Variants in UBE2E2 observed in about 807,000 individuals in gnomAD.
UBE2E2 encodes the protein ubiquitin-conjugating enzyme E2 E2.
Under a neutral mutation model 24.7 loss-of-function variants are expected in UBE2E2, and 6 were observed. That is an observed-to-expected ratio of 0.24 (90% CI 0.13 to 0.48). UBE2E2 has a LOEUF of 0.48. Ranked by LOEUF, UBE2E2 falls within the 20% of genes least tolerant of loss-of-function variation. The probability of loss-of-function intolerance (pLI) is 0.99; values close to 1 mark genes in which losing one functional copy is unlikely to be tolerated. For missense variants in UBE2E2, 169 were observed against 245.0 expected, an observed-to-expected ratio of 0.69 and a Z score of 2.07; for synonymous variants, 104 against 83.6, an observed-to-expected ratio of 1.24 and a Z score of -1.33.
chr3:23,370,437 A>G (rs1301596859), intron 3 of UBE2E2, among the ~76,000 whole-genome samples: 1 of 152,258 alleles, frequency 6.6e-6, no homozygotes, highest in Non-Finnish European at 1.5e-5. Context: ...TGTCTAGTTT[A>G]GAACAAAGTA....
intron 3 of UBE2E2, among the ~76,000 whole-genome samples, chr3:23,402,681 A>G (rs1275439437): frequency 6.6e-6 from 1 of 152,318 alleles, no homozygotes; most frequent in East Asian, 1.9e-4. Flanking sequence ...TGATGTCATC[A>G]GGGTTACAAT....
chr3:23,382,891 G>A (rs2125352863), intron 3 of UBE2E2, among the ~76,000 whole-genome samples: 1 of 152,000 alleles, frequency 6.6e-6, no homozygotes, highest in South Asian at 2.1e-4. Flanking sequence ...TTGTGAAAAG[G>A]TTAGTTTTTT....
At chr3:23,555,952 T>A (rs949069518) in intron 5 of UBE2E2, among the ~76,000 whole-genome samples, 2 of 152,094 alleles carry the variant, frequency 1.3e-5, no homozygotes, top group African/African-American at 4.8e-5. Context: ...ACATAAGGAC[T>A]ATAGTTAATA....
chr3:23,258,908 A>AC lies in UBE2E2; in HGVS notation c.227+41596_227+41597insC, dbSNP rs1288918651. Among the ~76,000 whole-genome samples the AC allele has an allele frequency of 1.7e-4, 26 of 150,762 alleles. No homozygotes were observed. The East Asian group carries it at 4.3e-3, about 25-fold the overall frequency. Reference sequence around the variant, plus strand: ...ACTCTGTCTCAAAAAAAGAAAAAAAAAAAAAAAAAAAAAAAAGATTCTAAC... The same window carrying AC: ...ACTCTGTCTCAAAAAAAGAAAAAAAACAAAAAAAAAAAAAAAAGATTCTAAC... On this transcript the variant is annotated intron_variant, in intron 3 of 5. Coordinates refer to ENST00000396703, the MANE Select transcript of UBE2E2 (RefSeq NM_152653.4).
intron 3 of UBE2E2, among the ~76,000 whole-genome samples, chr3:23,482,160 G>A (rs932380269): frequency 6.6e-6 from 1 of 152,142 alleles, no homozygotes; most frequent in African/African-American, 2.4e-5. Context: ...ACTCTTTTGA[G>A]CAACAAGATG....
intron 5 of UBE2E2, among the ~76,000 whole-genome samples, chr3:23,556,454 T>TAAAAAAA (rs5847239): frequency 1.8e-4 from 17 of 94,338 alleles, no homozygotes; most frequent in African/African-American, 6.3e-4. Flanking sequence ...AAAATTTATT[T>TAAAAAAA]AAAAAAAAAA....
intron 3 of UBE2E2, among the ~76,000 whole-genome samples, chr3:23,396,460 A>G (rs1697081060): frequency 6.6e-6 from 1 of 151,720 alleles, no homozygotes; most frequent in South Asian, 2.1e-4. Flanking sequence ...ATACACATAC[A>G]TACATATACA....
chr3:23,473,765 A>G (rs1241511007), intron 3 of UBE2E2, among the ~76,000 whole-genome samples: 1 of 152,130 alleles, frequency 6.6e-6, no homozygotes, highest in South Asian at 2.1e-4. Context: ...GTAGTATTCT[A>G]TCATATATGT....
At chr3:23,284,105 A>G (rs916578366) in intron 3 of UBE2E2, among the ~76,000 whole-genome samples, 2 of 152,120 alleles carry the variant, frequency 1.3e-5, no homozygotes, top group Non-Finnish European at 1.5e-5. Flanking sequence ...CTTCAATTCC[A>G]ATCTCCTTTA....
At chr3:23,255,032 G>GAAC (rs1697677822) in intron 3 of UBE2E2, among the ~76,000 whole-genome samples, 1 of 148,338 alleles carries the variant, frequency 6.7e-6, no homozygotes, top group African/African-American at 2.5e-5. Flanking sequence ...GCCATCTTAA[G>GAAC]AACAGTTCGT....
intron 3 of UBE2E2, among the ~76,000 whole-genome samples, chr3:23,245,636 T>G (rs1381199937): frequency 1.3e-5 from 2 of 152,170 alleles, no homozygotes; most frequent in Non-Finnish European, 2.9e-5. Flanking sequence ...TTGATATCCA[T>G]AGTAATAGCA....
At position 23,591,766 on chromosome 3, in the gene UBE2E2, A is replaced by G. The variant is rs1279607942; in HGVS notation, c.*1935A>G. On this transcript the variant is annotated 3_prime_UTR_variant, in exon 6 of 6. Transcript: ENST00000396703. Reference sequence around the variant, plus strand: ...GATGTGTCATTTCTTTCTTTAACATAAAATAAATTCAATATGGTACAACAC... The same window carrying G: ...GATGTGTCATTTCTTTCTTTAACATGAAATAAATTCAATATGGTACAACAC... 1 of 152,222 alleles carries G rather than the reference A, an allele frequency of 6.6e-6. No individual in the cohort carries two copies. Among genetic ancestry groups the G allele is most frequent in the Non-Finnish European group, 1.5e-5 (1 of 68,040 alleles). 9.4% of individuals were successfully genotyped at this position (152,222 alleles called of 1,614,324 possible).
chr3:23,294,759 ATTAC>A (rs1192812941), intron 3 of UBE2E2, among the ~76,000 whole-genome samples: 1 of 148,664 alleles, frequency 6.7e-6, no homozygotes, highest in Non-Finnish European at 1.5e-5. Flanking sequence ...AGATTATTTT[ATTAC>A]TTTATTTTAT....
At chr3:23,220,837 T>A (rs1389310480) in intron 3 of UBE2E2, among the ~76,000 whole-genome samples, 1 of 152,222 alleles carries the variant, frequency 6.6e-6, no homozygotes, top group African/African-American at 2.4e-5. Flanking sequence ...TTCACAGTTC[T>A]TCACAAATTG....
chr3:23,534,301 A>G lies in UBE2E2; in HGVS notation c.508+1600A>G, dbSNP rs1457415680. 4 of 944,042 alleles carry G rather than the reference A, an allele frequency of 4.2e-6. No homozygotes were observed. The African/African-American group carries it at 5.3e-5, about 13-fold the overall frequency. 58.5% of individuals were successfully genotyped at this position (944,042 alleles called of 1,614,324 possible). On this transcript the variant is annotated intron_variant, in intron 5 of 5. Coordinates refer to ENST00000396703, the MANE Select transcript of UBE2E2 (RefSeq NM_152653.4). The stretch of plus-strand genomic sequence containing the variant: ...ATTCCACCAAAGCCTTCTCTCAGCA[A>G]TCAAAAAGACTTCTGTTCAGTGAAC...
intron 3 of UBE2E2, among the ~76,000 whole-genome samples, chr3:23,298,928 C>T (rs569650894): frequency 2.1e-3 from 314 of 152,140 alleles, no homozygotes; most frequent in Non-Finnish European, 3.9e-3. Context: ...TGGACTTTTT[C>T]TGGTTGGTAA....
At position 23,315,181 on chromosome 3, in the gene UBE2E2, C is replaced by T. The variant is rs188952402; in HGVS notation, c.227+97869C>T. Among the ~76,000 whole-genome samples, 941 of 152,248 alleles carry T rather than the reference C, an allele frequency of 6.2e-3. 14 individuals are homozygous for T. Among genetic ancestry groups the T allele is most frequent in the African/African-American group, 0.021 (873 of 41,532 alleles). Reference sequence around the variant, plus strand: ...CAAAACCACAAGACAAACTTCTTCCCACTCTTCCCCTCCCCTTTCCCCAGG... The same window carrying T: ...CAAAACCACAAGACAAACTTCTTCCTACTCTTCCCCTCCCCTTTCCCCAGG... On this transcript the variant is annotated intron_variant, in intron 3 of 5. Coordinates refer to ENST00000396703, the MANE Select transcript of UBE2E2 (RefSeq NM_152653.4).
At chr3:23,456,985 C>CAT (rs1559389246) in intron 3 of UBE2E2, among the ~76,000 whole-genome samples, 1 of 152,164 alleles carries the variant, frequency 6.6e-6, no homozygotes, top group African/African-American at 2.4e-5. Context: ...GTCCATTTAC[C>CAT]ATAATCGAGG....
chr3:23,535,125 T>C (rs1375126002), intron 5 of UBE2E2, among the ~76,000 whole-genome samples: 1 of 152,228 alleles, frequency 6.6e-6, no homozygotes, highest in Non-Finnish European at 1.5e-5. Context: ...AATTGTTTAT[T>C]AGTCATATCA....
Sources: gnomAD v4.1 joint callset for allele counts (sites outside exome capture counted in the v4.1 genomes callset) on GRCh38, gnomAD v4.1.1 for gene constraint, MANE v1.5 for transcripts, NCBI Gene and HGNC (gene_info 2026-07-23, HGNC 2026-07-21) for gene names.